Variants in GALNT5 observed in about 807,000 individuals in gnomAD.
GALNT5 encodes the protein polypeptide N-acetylgalactosaminyltransferase 5, also known as UDP-GalNAc:polypeptide N-acetylgalactosaminyltransferase 5.
A neutral mutation model predicts 85.4 loss-of-function variants in GALNT5; 72 were observed. The observed-to-expected ratio is 0.84, with a 90% CI of 0.70 to 1.03. GALNT5 has a LOEUF of 1.03. Ranked by LOEUF, GALNT5 falls within the 50% of genes least tolerant of loss-of-function variation. The probability of loss-of-function intolerance (pLI) is 0.00; values close to 1 mark genes in which losing one functional copy is unlikely to be tolerated. For synonymous variants in GALNT5, 404 were observed against 397.0 expected, an observed-to-expected ratio of 1.02 and a Z score of -0.21; for missense variants, 1,137 against 1,135.5, an observed-to-expected ratio of 1.00 and a Z score of -0.02.
rs79165026 is a variant in GALNT5 at position 157,305,766 on chromosome 2, G to T, written c.2457G>T (p.Leu819Phe). 7 of 1,602,786 alleles carry T rather than the reference G, an allele frequency of 4.4e-6. No homozygotes were observed. The East Asian group carries it at 1.1e-4, about 26-fold the overall frequency. Reference sequence around the variant, plus strand: ...CTTTTTAGCTTATTAATGTGGCTTTGGGTAAATGCATTTCCATTGAAAACA... The same window carrying T: ...CTTTTTAGCTTATTAATGTGGCTTTTGGTAAATGCATTTCCATTGAAAACA... ...RASGVLINVA[L>F]GKCISIENTT... is the part of the protein sequence containing the mutation. The change falls in exon 8 of 10, where the codon TTG becomes TTT. Residue 819 changes from leucine (L) to phenylalanine (F), a missense_variant. By Grantham distance (22) the Leu-to-Phe change is conservative (BLOSUM62 0). Coordinates refer to ENST00000259056, the MANE Select transcript of GALNT5 (RefSeq NM_014568.3).
At position 157,258,273 on chromosome 2, in the gene GALNT5, G is replaced by C. The variant is rs772190687; in HGVS notation, c.191G>C (p.Gly64Ala). Residue 64 changes from glycine (G) to alanine (A), a missense_variant, in exon 1 of 10, where the codon GGA becomes GCA. By Grantham distance (60) the Gly-to-Ala change is moderately conservative. Transcript: ENST00000259056. ...RIGFRVQPDQ[G>A]KIFYSSIKEM... is the part of the protein sequence containing the mutation. ...GGATTCAGAGTTCAGCCAGACCAAG[G>C]AAAAATTTTTTACAGCAGCATAAAA... 1 of 1,602,348 alleles carries C rather than the reference G, an allele frequency of 6.2e-7. No individual in the cohort carries two copies. Among genetic ancestry groups the C allele is most frequent in the Non-Finnish European group, 8.5e-7 (1 of 1,175,860 alleles).
chr2:157,289,630 AGAGT>A (rs1308171468), intron 3 of GALNT5, among the ~76,000 whole-genome samples: 1 of 152,226 alleles, frequency 6.6e-6, no homozygotes, highest in African/African-American at 2.4e-5. Context: ...ACTGCCTAGT[AGAGT>A]GATGCTTCCC....
At chr2:157,262,533 G>C (rs182612355) in intron 1 of GALNT5, among the ~76,000 whole-genome samples, 1 of 148,342 alleles carries the variant, frequency 6.7e-6, no homozygotes, top group Non-Finnish European at 1.5e-5. Context: ...AGCCACTCAG[G>C]AAGCTGAGGT....
chr2:157,303,205 T>A (rs564195559), intron 7 of GALNT5, among the ~76,000 whole-genome samples: 1 of 152,214 alleles, frequency 6.6e-6, no homozygotes, highest in East Asian at 1.9e-4. Flanking sequence ...TGGATTAAAC[T>A]GCTGGCAAAC....
Position 157,318,418 on chromosome 2 carries a change from A to G in GALNT5, c.*7070A>G, listed in dbSNP as rs1340922926. Among the ~76,000 whole-genome samples the G allele has an allele frequency of 1.3e-5, 2 of 152,188 alleles. No individual in the cohort carries two copies. Among genetic ancestry groups the G allele is most frequent in the Non-Finnish European group, 2.9e-5 (2 of 68,026 alleles). On this transcript the variant is annotated 3_prime_UTR_variant, in exon 10 of 10. Coordinates refer to ENST00000259056, the MANE Select transcript of GALNT5 (RefSeq NM_014568.3). ...CATGTATATTACATATCTACCTACC[A>G]GAAATCCTTTTTACAATTTTATATA...
intron 6 of GALNT5, among the ~76,000 whole-genome samples, chr2:157,300,171 G>A (rs957363495): frequency 2.6e-5 from 4 of 152,192 alleles, no homozygotes; most frequent in Non-Finnish European, 4.4e-5. Flanking sequence ...GAAAGCCTTG[G>A]CAACAGCAGT....
chr2:157,279,768 G>A (rs7574285), intron 1 of GALNT5, among the ~76,000 whole-genome samples: 24,897 of 152,152 alleles, frequency 0.16, 4,507 homozygotes, highest in African/African-American at 0.44. Context: ...GACCTTTTGC[G>A]CTTCCTGGGT....
intron 3 of GALNT5, among the ~76,000 whole-genome samples, chr2:157,291,880 G>C (rs1382624874): frequency 1.3e-5 from 2 of 152,080 alleles, no homozygotes; most frequent in Non-Finnish European, 2.9e-5. Context: ...GTAGCTATCA[G>C]AGAGGATTTT....
intron 1 of GALNT5, among the ~76,000 whole-genome samples, chr2:157,275,715 G>T (rs2105131717): frequency 6.6e-6 from 1 of 152,314 alleles, no homozygotes; most frequent in African/African-American, 2.4e-5. Context: ...TCAGCTTAAG[G>T]AGATTTTGGG....
At chr2:157,266,571 TTATG>T (rs1414310409) in intron 1 of GALNT5, among the ~76,000 whole-genome samples, 2 of 152,176 alleles carry the variant, frequency 1.3e-5, no homozygotes, top group Admixed American at 1.3e-4. Context: ...GCATGTAGAC[TTATG>T]TGTGTGTGTT....
rs1682506858 is a variant in GALNT5 at position 157,268,420 on chromosome 2, G to A, written c.1454+8884G>A. Among the ~76,000 whole-genome samples the A allele has an allele frequency of 2.0e-5, 3 of 152,182 alleles. No homozygotes were observed. The South Asian group carries it at 6.2e-4, about 31-fold the overall frequency. On this transcript the variant is annotated intron_variant, in intron 1 of 9. Transcript: ENST00000259056. ...AAGGCAGTGTGCTCCCTCAAAATGTGTGTATTTGCATTATGGGTAATCGTA... is the reference window on the plus strand; with the variant it reads ...AAGGCAGTGTGCTCCCTCAAAATGTATGTATTTGCATTATGGGTAATCGTA...
chr2:157,274,045 A>G (rs764814906), intron 1 of GALNT5, among the ~76,000 whole-genome samples: 7 of 151,986 alleles, frequency 4.6e-5, no homozygotes, highest in Non-Finnish European at 8.8e-5. Flanking sequence ...TCATTGTTCA[A>G]TTCCCACCTA....
At chr2:157,281,145 C>A (rs765971558) in intron 1 of GALNT5, among the ~76,000 whole-genome samples, 1 of 152,204 alleles carries the variant, frequency 6.6e-6, no homozygotes, top group Non-Finnish European at 1.5e-5. Context: ...CACACTACAA[C>A]CTCCACCTCC....
chr2:157,305,754 T>G lies in GALNT5; in HGVS notation c.2445T>G (p.Ile815Met). 6.3e-7 allele frequency: 1 copy of G among 1,590,138 alleles called. No homozygotes were observed. The highest frequency in any genetic ancestry group is 8.6e-7 in the Non-Finnish European group (1 of 1,158,614). ...APIVRASGVL[I>M]NVALGKCISI... ...TTTCGTATTTTGCTTTTTAGCTTAT[T>G]AATGTGGCTTTGGGTAAATGCATTT... Residue 815 changes from isoleucine to methionine, a missense_variant, in exon 8 of 10, where the codon ATT becomes ATG. Ile to Met is a conservative substitution (Grantham distance 10). Transcript: ENST00000259056.
chr2:157,266,591 G>C (rs1406133698), intron 1 of GALNT5, among the ~76,000 whole-genome samples: 1 of 152,152 alleles, frequency 6.6e-6, no homozygotes, highest in African/African-American at 2.4e-5. Flanking sequence ...GTGTTTGTGT[G>C]TGTGTTTGTA....
At chr2:157,309,180 CT>C (rs1031722489) in intron 9 of GALNT5, among the ~76,000 whole-genome samples, 2 of 152,196 alleles carry the variant, frequency 1.3e-5, no homozygotes, top group Non-Finnish European at 2.9e-5. Flanking sequence ...TTCCCATCCC[CT>C]GTGGTACCCA....
chr2:157,310,278 T>C, intron 9 of GALNT5, among the ~76,000 whole-genome samples: 1 of 152,204 alleles, frequency 6.6e-6, no homozygotes, highest in Non-Finnish European at 1.5e-5. Flanking sequence ...TGGAGATGAA[T>C]AGCTTGGTGA....
In GALNT5 at chr2:157,315,737, C is replaced by T. The variant is rs925798011; in HGVS notation, c.*4389C>T. On this transcript the variant is annotated 3_prime_UTR_variant, in exon 10 of 10. Transcript: ENST00000259056. ...GAAGTGGACATGTGGAGGATTCTTT[C>T]TCTGTGAATAATATTGAAAAAGCTC... Among the ~76,000 whole-genome samples the T allele has an allele frequency of 6.6e-6, 1 of 152,120 alleles. No individual in the cohort carries two copies. Among genetic ancestry groups the T allele is most frequent in the African/African-American group, 2.4e-5 (1 of 41,418 alleles).
intron 3 of GALNT5, among the ~76,000 whole-genome samples, chr2:157,290,815 G>C (rs1683083468): frequency 6.6e-6 from 1 of 152,068 alleles, no homozygotes; most frequent in African/African-American, 2.4e-5. Flanking sequence ...GAGGCTCTCT[G>C]AAGTTCTGCA....
Sources: allele counts gnomAD v4.1 joint callset (sites outside exome capture counted in the v4.1 genomes callset), GRCh38; gene constraint gnomAD v4.1.1; transcripts MANE v1.5; gene names NCBI Gene and HGNC (gene_info 2026-07-23, HGNC 2026-07-21).